The following CNTNAP2 variants were observed in gnomAD, a reference collection of about 807,000 sequenced individuals.
The protein encoded by CNTNAP2 is contactin-associated protein-like 2.
In CNTNAP2, 98 loss-of-function variants were observed where a neutral mutation model predicts 155.2. The ratio of observed to expected loss-of-function variants is 0.63; its 90% CI spans 0.54 to 0.75. The LOEUF is 0.75. CNTNAP2 is among the 30% of genes least tolerant of loss of function. The pLI is 0.00. For missense variants in CNTNAP2, 1,727 were observed against 1,688.1 expected, an observed-to-expected ratio of 1.02 and a Z score of -0.40; for synonymous variants, 651 against 631.2, an observed-to-expected ratio of 1.03 and a Z score of -0.47.
chr7:146,428,429 T>C (rs1198323316), intron 1 of CNTNAP2, among the ~76,000 whole-genome samples: 1 of 152,140 alleles, frequency 6.6e-6, no homozygotes, highest in Non-Finnish European at 1.5e-5. Flanking sequence ...GACTTTTTAA[T>C]AGTAACCATT....
chr7:148,038,826 A>AGATGGATG (rs58688357), intron 15 of CNTNAP2, among the ~76,000 whole-genome samples: 45 of 147,824 alleles, frequency 3.0e-4, no homozygotes, highest in African/African-American at 5.8e-4. Context: ...ATGGATGGAT[A>AGATGGATG]GATGGATGGA....
chr7:147,014,448 T>A (rs976570093), intron 3 of CNTNAP2, among the ~76,000 whole-genome samples: 3 of 152,066 alleles, frequency 2.0e-5, no homozygotes, highest in African/African-American at 7.2e-5. Context: ...GTTTAGTACA[T>A]CATCCAACAA....
rs145763400 is a variant in CNTNAP2 at position 147,702,191 on chromosome 7, C to G, written c.2098+62885C>G. ...GTCTTGGAGAGATGACATCTCTCGT[C>G]GGATCCACCTCTACAAGATATGACT... On this transcript the variant is annotated intron_variant, in intron 13 of 23. Transcript: ENST00000361727. Among the ~76,000 whole-genome samples the G allele has an allele frequency of 5.3e-5, 8 of 151,116 alleles. No homozygotes were observed. The East Asian group carries it at 1.6e-3, about 30-fold the overall frequency.
chr7:148,140,421 C>CTTTTTTTTTTTTTT (rs750371666), intron 16 of CNTNAP2, among the ~76,000 whole-genome samples: 1 of 135,404 alleles, frequency 7.4e-6, no homozygotes, highest in African/African-American at 2.7e-5. Flanking sequence ...TTTTCTTTTT[C>CTTTTTTTTTTTTTT]TTTTTTTTTT....
intron 3 of CNTNAP2, among the ~76,000 whole-genome samples, chr7:146,877,632 T>C (rs1429691679): frequency 6.6e-6 from 1 of 151,732 alleles, no homozygotes; most frequent in South Asian, 2.1e-4. Flanking sequence ...TGTATGTATG[T>C]ATGTGTGTAT....
chr7:147,272,969 A>G (rs1242049668), intron 8 of CNTNAP2, among the ~76,000 whole-genome samples: 1 of 152,126 alleles, frequency 6.6e-6, no homozygotes, highest in Non-Finnish European at 1.5e-5. Context: ...TAGGCCTTGG[A>G]GAGAAGTCTT....
At chr7:146,905,785 G>A (rs1031681137) in intron 3 of CNTNAP2, among the ~76,000 whole-genome samples, 3 of 152,174 alleles carry the variant, frequency 2.0e-5, no homozygotes, top group African/African-American at 7.2e-5. Flanking sequence ...TTTGGTTTAC[G>A]AAGGAGGAGC....
chr7:146,318,039 G>T (rs1484487059), intron 1 of CNTNAP2, among the ~76,000 whole-genome samples: 1 of 151,940 alleles, frequency 6.6e-6, no homozygotes, highest in Non-Finnish European at 1.5e-5. Flanking sequence ...TACTGTGGAG[G>T]CTGAGGCAGG....
intron 1 of CNTNAP2, among the ~76,000 whole-genome samples, chr7:146,586,051 A>T (rs1301762766): frequency 6.6e-6 from 1 of 151,938 alleles, no homozygotes; most frequent in Non-Finnish European, 1.5e-5. Context: ...AAAACAAAGC[A>T]AAATTACAAG....
Position 147,097,850 on chromosome 7 carries a change from T to C in CNTNAP2, c.551-10297T>C, listed in dbSNP as rs58168540. Among the ~76,000 whole-genome samples, 259 of 152,346 alleles carry C rather than the reference T, an allele frequency of 1.7e-3. 2 individuals are homozygous for C. Among genetic ancestry groups the C allele is most frequent in the African/African-American group, 5.8e-3 (243 of 41,574 alleles). On this transcript the variant is annotated intron_variant, in intron 4 of 23. Transcript: ENST00000361727. The stretch of plus-strand genomic sequence containing the variant: ...TTTCAAAGAGGAATTTTTGACATTT[T>C]GTTTTTGTTTTCAGGGTACTGTCAA...
At chr7:146,421,832 T>C (rs868226939) in intron 1 of CNTNAP2, among the ~76,000 whole-genome samples, 4 of 151,962 alleles carry the variant, frequency 2.6e-5, no homozygotes, top group Non-Finnish European at 5.9e-5. Flanking sequence ...TACCTTTGTA[T>C]CTTACAAATT....
At chr7:146,920,043 T>C (rs1028644590) in intron 3 of CNTNAP2, among the ~76,000 whole-genome samples, 2 of 152,200 alleles carry the variant, frequency 1.3e-5, no homozygotes, top group Non-Finnish European at 2.9e-5. Context: ...AATAAAATCA[T>C]GATTTTATAA....
intron 9 of CNTNAP2, among the ~76,000 whole-genome samples, chr7:147,343,556 C>A (rs1360152838): frequency 1.3e-5 from 2 of 152,090 alleles, no homozygotes; most frequent in East Asian, 3.9e-4. Flanking sequence ...TTCCAGCATT[C>A]ATTTTGTTGC....
At chr7:146,137,538 CA>C (rs1303608187) in intron 1 of CNTNAP2, among the ~76,000 whole-genome samples, 11 of 152,048 alleles carry the variant, frequency 7.2e-5, no homozygotes, top group African/African-American at 2.6e-4. Context: ...GCTGTACTAG[CA>C]AACTGTGAAT....
intron 6 of CNTNAP2, among the ~76,000 whole-genome samples, chr7:147,126,961 G>A (rs1370065447): frequency 1.3e-5 from 2 of 152,078 alleles, no homozygotes. Flanking sequence ...GAAACTGTAA[G>A]GATAATTTGA....
intron 1 of CNTNAP2, among the ~76,000 whole-genome samples, chr7:146,216,034 C>T (rs1799107165): frequency 6.6e-6 from 1 of 152,110 alleles, no homozygotes; most frequent in South Asian, 2.1e-4. Context: ...AAAACAGGTG[C>T]CTCTAAGCTA....
intron 12 of CNTNAP2, among the ~76,000 whole-genome samples, chr7:147,586,758 T>C (rs762587880): frequency 5.3e-5 from 8 of 152,196 alleles, no homozygotes; most frequent in African/African-American, 4.8e-5. Flanking sequence ...CTGAAATCAG[T>C]TCCTGTTCCA....
chr7:147,261,155 C>T (rs997787295), intron 8 of CNTNAP2, among the ~76,000 whole-genome samples: 1 of 152,090 alleles, frequency 6.6e-6, no homozygotes, highest in South Asian at 2.1e-4. Flanking sequence ...GCTAGTAATG[C>T]CCTTCTAATT....
At chr7:147,274,797 T>C (rs1455722006) in intron 8 of CNTNAP2, among the ~76,000 whole-genome samples, 1 of 152,082 alleles carries the variant, frequency 6.6e-6, no homozygotes, top group Non-Finnish European at 1.5e-5. Context: ...GTTTTTTTAA[T>C]AGTTTCAGGT....
Sources: allele counts gnomAD v4.1 joint callset (sites outside exome capture counted in the v4.1 genomes callset), GRCh38; gene constraint gnomAD v4.1.1; transcripts MANE v1.5; gene names NCBI Gene and HGNC (gene_info 2026-07-23, HGNC 2026-07-21).